The following AKT3 variants were observed in gnomAD, a reference collection of about 807,000 sequenced individuals.
The protein encoded by AKT3 is RAC-gamma serine/threonine-protein kinase.
Under a neutral mutation model 65.3 loss-of-function variants are expected in AKT3, and 15 were observed. The observed-to-expected ratio is 0.23, with a 90% CI of 0.15 to 0.35. The LOEUF (loss-of-function observed/expected upper bound fraction) is 0.35, where lower values mean the gene tolerates loss of function less well. Ranked by LOEUF, AKT3 falls within the 10% of genes least tolerant of loss-of-function variation. The pLI is 1.00. For missense variants in AKT3, 243 were observed against 576.5 expected (o/e 0.42, Z 5.92); for synonymous variants, 206 against 183.8 (o/e 1.12, Z -0.98).
rs572122519 is a variant in AKT3 at position 243,548,917 on chromosome 1, G to A, written c.1164-3320C>T. Among the ~76,000 whole-genome samples, 18 of 152,206 alleles carry A rather than the reference G, an allele frequency of 1.2e-4. No homozygotes were observed. In the East Asian group the frequency reaches 2.5e-3, roughly 21 times the overall value. On this transcript the variant is annotated intron_variant, in intron 11 of 13. Transcript: ENST00000673466. ...TTCCAGTAGTATTTAAAATAGCTGC[G>A]TAGAAAAAATGAAGAGGTGTATTAT...
chr1:243,563,671 C>T (rs2148487906), intron 10 of AKT3, 49 bp downstream of exon 10: 1 of 1,544,794 alleles, frequency 6.5e-7, no homozygotes, highest in East Asian at 2.3e-5. Flanking sequence ...GTTTACTTTG[C>T]AAATCATTAT....
At chr1:243,628,453 C>A (rs1679351063) in intron 6 of AKT3, among the ~76,000 whole-genome samples, 1 of 152,082 alleles carries the variant, frequency 6.6e-6, no homozygotes, top group African/African-American at 2.4e-5. Flanking sequence ...AGGCATGCCA[C>A]CACACCTGGC....
intron 2 of AKT3, among the ~76,000 whole-genome samples, chr1:243,758,537 A>G (rs1223762009): frequency 6.6e-6 from 1 of 152,180 alleles, no homozygotes; most frequent in East Asian, 1.9e-4. Flanking sequence ...GATCATCTAG[A>G]GCAGCAGTCC....
chr1:243,699,724 G>T (rs1685323360), intron 2 of AKT3, among the ~76,000 whole-genome samples: 1 of 151,748 alleles, frequency 6.6e-6, no homozygotes, highest in Non-Finnish European at 1.5e-5. Context: ...TGGTAAAAAA[G>T]AATGACTATT....
chr1:243,645,756 A>G, intron 5 of AKT3, 137 bp downstream of exon 5: 1 of 817,244 alleles, frequency 1.2e-6, no homozygotes, highest in Non-Finnish European at 1.8e-6. Flanking sequence ...GGTATTTCAG[A>G]TTCATGTGAA....
intron 13 of AKT3, among the ~76,000 whole-genome samples, chr1:243,508,890 G>A (rs1317664828): frequency 1.3e-5 from 2 of 151,894 alleles, no homozygotes; most frequent in African/African-American, 4.8e-5. Flanking sequence ...GCTAGTCTCA[G>A]ACTCCTCCTG....
intron 2 of AKT3, among the ~76,000 whole-genome samples, chr1:243,819,870 C>T (rs1693751065): frequency 6.6e-6 from 1 of 152,182 alleles, no homozygotes; most frequent in Non-Finnish European, 1.5e-5. Flanking sequence ...CGCACAGGGT[C>T]TGGAACGGGC....
intron 2 of AKT3, among the ~76,000 whole-genome samples, chr1:243,720,735 T>C (rs376968240): frequency 6.6e-6 from 1 of 152,194 alleles, no homozygotes; most frequent in African/African-American, 2.4e-5. Flanking sequence ...GTTAATACAA[T>C]TTGGAGCCAA....
At chr1:243,684,549 G>A (rs554945282) in intron 3 of AKT3, among the ~76,000 whole-genome samples, 1 of 152,222 alleles carries the variant, frequency 6.6e-6, no homozygotes, top group East Asian at 1.9e-4. Flanking sequence ...TCTTCATCCA[G>A]TCTATCACTG....
chr1:243,695,856 T>A lies in AKT3; in HGVS notation c.47-140A>T, dbSNP rs1036775531. 1.5e-5 allele frequency: 9 copies of A among 611,350 alleles called. No individual in the cohort carries two copies. In the Admixed American group the frequency reaches 3.8e-4, roughly 26 times the overall value. The allele number at this position is 611,350 out of a possible 1,614,324, so 37.9% of individuals were successfully genotyped here. A position where few individuals can be genotyped will look rare whatever the true frequency, so the allele number is the denominator to read the frequency against. ...TACTCAATTTTCTTTTAACTTAGCT[T>A]ACAAAAGAAAATACATAAGCCTACA... On this transcript the variant is annotated intron_variant, in intron 2 of 13. Transcript: ENST00000673466.
rs540113221 is a variant in AKT3, at chr1:243,593,722, G to A, written c.696+19949C>T. On this transcript the variant is annotated intron_variant, in intron 8 of 13. Coordinates refer to ENST00000673466, the MANE Select transcript of AKT3 (RefSeq NM_005465.7). The stretch of plus-strand genomic sequence containing the variant: ...AAACAACCATATGATCACCTCAATG[G>A]AGGCACAAAAACCTTTAAAGAAAAG... 7.9e-5 allele frequency among the ~76,000 whole-genome samples: 12 copies of A among 152,218 alleles called. No individual in the cohort carries two copies. In the South Asian group the frequency reaches 2.3e-3, roughly 29 times the overall value.
intron 8 of AKT3, among the ~76,000 whole-genome samples, chr1:243,592,329 C>T (rs1342865243): frequency 6.6e-6 from 1 of 150,396 alleles, no homozygotes; most frequent in Non-Finnish European, 1.5e-5. Context: ...AGCGAGACTC[C>T]GTCTCAAAAA....
chr1:243,718,688 T>C (rs1025784848), intron 2 of AKT3, among the ~76,000 whole-genome samples: 1 of 151,936 alleles, frequency 6.6e-6, no homozygotes, highest in Non-Finnish European at 1.5e-5. Context: ...TTAGCCAGGA[T>C]GGTCTCGATC....
intron 4 of AKT3, among the ~76,000 whole-genome samples, chr1:243,647,210 T>C (rs1446663181): frequency 6.6e-6 from 1 of 152,232 alleles, no homozygotes; most frequent in Non-Finnish European, 1.5e-5. Flanking sequence ...ATAACAATGT[T>C]TCAGTCAATG....
chr1:243,763,543 G>A (rs1363105951), intron 2 of AKT3, among the ~76,000 whole-genome samples: 3 of 151,874 alleles, frequency 2.0e-5, no homozygotes, highest in Non-Finnish European at 4.4e-5. Flanking sequence ...AACTGATTGG[G>A]GAAAATTTTG....
At chr1:243,826,780 TTC>T (rs980773202) in intron 2 of AKT3, among the ~76,000 whole-genome samples, 3 of 152,184 alleles carry the variant, frequency 2.0e-5, no homozygotes, top group African/African-American at 7.2e-5. Flanking sequence ...TGGCTAGGTT[TTC>T]TGTTATTTTC....
intron 2 of AKT3, among the ~76,000 whole-genome samples, chr1:243,736,209 T>C (rs1411334577): frequency 1.3e-5 from 2 of 152,184 alleles, no homozygotes; most frequent in African/African-American, 4.8e-5. Context: ...GAAAACTGGA[T>C]GATAATAATT....
intron 1 of AKT3, among the ~76,000 whole-genome samples, chr1:243,846,660 C>T (rs1411295921): frequency 6.6e-6 from 1 of 152,024 alleles, no homozygotes; most frequent in Non-Finnish European, 1.5e-5. Context: ...GCATTTTAAA[C>T]AAATGAAAGG....
At chr1:243,670,020 A>T (rs1206106612) in intron 3 of AKT3, among the ~76,000 whole-genome samples, 2 of 152,180 alleles carry the variant, frequency 1.3e-5, no homozygotes, top group Non-Finnish European at 2.9e-5. Context: ...AGGAAACTCT[A>T]TGAGCTCATG....
Sources: allele counts gnomAD v4.1 joint callset (sites outside exome capture counted in the v4.1 genomes callset), GRCh38; gene constraint gnomAD v4.1.1; transcripts MANE v1.5; gene names NCBI Gene and HGNC (gene_info 2026-07-23, HGNC 2026-07-21).